The following PRRC2B variants were observed in gnomAD, a reference collection of about 807,000 sequenced individuals.
The protein encoded by PRRC2B is protein PRRC2B.
Under a neutral mutation model 242.3 loss-of-function variants are expected in PRRC2B, and 68 were observed. That is an observed-to-expected ratio of 0.28 (90% CI 0.23 to 0.34). The LOEUF (loss-of-function observed/expected upper bound fraction) is 0.34. PRRC2B is among the 10% of genes least tolerant of loss of function. The probability of loss-of-function intolerance (pLI) is 1.00; values close to 1 mark genes in which losing one functional copy is unlikely to be tolerated. For missense variants in PRRC2B, 2,835 were observed against 2,954.8 expected (o/e 0.96, Z 0.94); for synonymous variants, 1,228 against 1,173.6 (o/e 1.05, Z -0.95).
At chr9:131,403,095 G>A (rs894560549) in intron 1 of PRRC2B, among the ~76,000 whole-genome samples, 2 of 152,146 alleles carry the variant, frequency 1.3e-5, no homozygotes, top group African/African-American at 4.8e-5. Context: ...GGCAGGTGTT[G>A]TTTACATATG....
In PRRC2B at chr9:131,482,810, G is replaced by T; in HGVS notation, c.5276G>T (p.Arg1759Leu). Residue 1759 changes from arginine to leucine, a missense_variant, in exon 22 of 32, where the codon CGG (arginine) becomes CTG (leucine). By Grantham distance (102) the Arg-to-Leu change is moderately radical (BLOSUM62 -2). This residue lies in a region of PRRC2B where 574 missense variants were observed against 626.0 expected (regional missense o/e 0.92). Coordinates refer to ENST00000683519, the MANE Select transcript of PRRC2B (RefSeq NM_013318.4). This position sits in a 1 kb window ranked among gnomAD's most constrained non-coding sequence, Gnocchi z 5.2. Reference sequence around the variant, plus strand: ...AGAAAGGGCTCGGAGGGGGCCGAGCGGCTGCAAGGGGCTGTCGTCCCGCCT... The same window carrying T: ...AGAAAGGGCTCGGAGGGGGCCGAGCTGCTGCAAGGGGCTGTCGTCCCGCCT... The part of the protein sequence containing the change: ...KNRKGSEGAE[R>L]LQGAVVPPVN... 1 of 1,609,112 alleles carries T rather than the reference G, an allele frequency of 6.2e-7. No individual in the cohort carries two copies. The highest frequency in any genetic ancestry group is 8.5e-7 in the Non-Finnish European group (1 of 1,177,744).
At position 131,404,911 on chromosome 9, in the gene PRRC2B, T is replaced by C. The variant is rs141922357; in HGVS notation, c.-52+10648T>C. Reference sequence around the variant, plus strand: ...AAAACATACAATTTGTATGTAAGCATGTAAGTGTGAGAATGTGGTTCTGCA... The same window carrying C: ...AAAACATACAATTTGTATGTAAGCACGTAAGTGTGAGAATGTGGTTCTGCA... On this transcript the variant is annotated intron_variant, in intron 1 of 31. Coordinates refer to ENST00000683519, the MANE Select transcript of PRRC2B (RefSeq NM_013318.4). 5.9e-5 allele frequency among the ~76,000 whole-genome samples: 9 copies of C among 152,326 alleles called. No homozygotes were observed. The East Asian group carries it at 1.5e-3, about 26-fold the overall frequency.
rs1588273885 is a variant in PRRC2B at position 131,475,395 on chromosome 9, G to C, written c.3266G>C (p.Cys1089Ser). 6.3e-7 allele frequency: 1 copy of C among 1,584,284 alleles called. No individual in the cohort carries two copies. The change falls in exon 16 of 32, where the codon TGT becomes TCT. Residue 1089 changes from cysteine to serine, a missense_variant. Around this residue, in one of 7 missense-constraint regions of PRRC2B, gnomAD observed 1,536 missense variants for 1,483.1 expected, o/e 1.04. Transcript: ENST00000683519. Reference sequence around the variant, plus strand: ...GCTGGCGGAAATGGGAGCGGCCTCTGTGGTGGGGGGGTCCTGGGGGCCCGC... The same window carrying C: ...GCTGGCGGAAATGGGAGCGGCCTCTCTGGTGGGGGGGTCCTGGGGGCCCGC... ...RPAGGNGSGL[C>S]GGGVLGARSI...
intron 3 of PRRC2B, among the ~76,000 whole-genome samples, chr9:131,433,054 G>A (rs2994050): frequency 0.95 from 144,274 of 152,178 alleles, 68,649 homozygotes; most frequent in East Asian, 1. Flanking sequence ...CTTGTCCCCA[G>A]TGACCACTTT....
chr9:131,395,840 C>T (rs538708791), intron 1 of PRRC2B, among the ~76,000 whole-genome samples: 1 of 152,134 alleles, frequency 6.6e-6, no homozygotes, highest in African/African-American at 2.4e-5. Flanking sequence ...TTAGTAGACC[C>T]GGAGTGTGTG....
At chr9:131,429,682 G>A (rs1484738571) in intron 1 of PRRC2B, among the ~76,000 whole-genome samples, 1 of 152,142 alleles carries the variant, frequency 6.6e-6, no homozygotes, top group Non-Finnish European at 1.5e-5. Flanking sequence ...TATTCTGCTA[G>A]CCTTATTTTC....
rs769354350 is a variant in PRRC2B, at chr9:131,430,257, C to T, written c.113C>T (p.Ser38Leu). 6.4e-7 allele frequency: 1 copy of T among 1,570,590 alleles called. No individual in the cohort carries two copies. The highest frequency in any genetic ancestry group is 8.7e-7 in the Non-Finnish European group (1 of 1,151,108). The change falls in exon 2 of 32, where the codon TCA becomes TTA. Residue 38 changes from serine (S) to leucine (L), a missense_variant and splice_region_variant. Around this residue, in one of 7 missense-constraint regions of PRRC2B, gnomAD observed 626 missense variants for 685.5 expected, o/e 0.91. Transcript: ENST00000683519. Reference sequence around the variant, plus strand: ...AAATCAGTAGACGCGATTAGATCCTCAGGTAAGGCCCAGGGTTGAAGGCCA... The same window carrying T: ...AAATCAGTAGACGCGATTAGATCCTTAGGTAAGGCCCAGGGTTGAAGGCCA... ...KGKSVDAIRS[S>L]VIPRHGLQSL...
At chr9:131,460,943 G>A (rs370762048) in intron 11 of PRRC2B, among the ~76,000 whole-genome samples, 28 of 152,194 alleles carry the variant, frequency 1.8e-4, no homozygotes, top group African/African-American at 6.5e-4. Context: ...GGACAGTTGC[G>A]GGGAATGTAT....
At position 131,482,700 on chromosome 9, in the gene PRRC2B, T is replaced by G. The variant is rs781234098; in HGVS notation, c.5176-10T>G. Reference sequence around the variant, plus strand: ...TCTGTGTGTCTCCACCTCTCTGCTTTTTTATCAAGGATTCAGAACAAGGCT... The same window carrying G: ...TCTGTGTGTCTCCACCTCTCTGCTTGTTTATCAAGGATTCAGAACAAGGCT... On this transcript the variant is annotated splice_polypyrimidine_tract_variant and intron_variant, in intron 21 of 31. Coordinates refer to ENST00000683519, the MANE Select transcript of PRRC2B (RefSeq NM_013318.4). The surrounding 1 kb of genome is among the most constrained non-coding windows in gnomAD (Gnocchi z 5.2). 6 of 1,556,356 alleles carry G rather than the reference T, an allele frequency of 3.9e-6. No individual in the cohort carries two copies. In the Admixed American group the frequency reaches 1.2e-4, roughly 31 times the overall value.
In PRRC2B at chr9:131,494,471, A is replaced by C. The variant is rs374130439; in HGVS notation, c.6540A>C (p.Gly2180=). Reference sequence around the variant, plus strand: ...CAGTTAACATGGGCTCTGTGCAGGGACACTACGTGCAACAGGTAGAAGATG... The same window carrying C: ...CAGTTAACATGGGCTCTGTGCAGGGCCACTACGTGCAACAGGTAGAAGATG... ...GSAVNMGSVQ[G]HYVQQAKQRV... Residue 2180 remains glycine (G), a synonymous_variant, in exon 31 of 32, where the codon GGA becomes GGC. Transcript: ENST00000683519. This position sits in a 1 kb window ranked among gnomAD's most constrained non-coding sequence, Gnocchi z 4.3. 1.0e-4 allele frequency: 166 copies of C among 1,595,184 alleles called. No homozygotes were observed. The highest frequency in any genetic ancestry group is 1.2e-4 in the Non-Finnish European group (142 of 1,165,986).
chr9:131,374,294 A>C (rs1004271793), intron 1 of PRRC2B, among the ~76,000 whole-genome samples: 1 of 152,078 alleles, frequency 6.6e-6, no homozygotes, highest in Middle Eastern at 3.2e-3. Context: ...GGTGGCGCCC[A>C]GCGGAGACTC....
intron 1 of PRRC2B, among the ~76,000 whole-genome samples, chr9:131,408,782 T>G (rs970102144): frequency 6.6e-6 from 1 of 151,516 alleles, no homozygotes; most frequent in Non-Finnish European, 1.5e-5. Context: ...GCAAATGATA[T>G]GATCTCGGCT....
At chr9:131,409,252 C>A (rs969126096) in intron 1 of PRRC2B, among the ~76,000 whole-genome samples, 6 of 152,226 alleles carry the variant, frequency 3.9e-5, no homozygotes, top group African/African-American at 1.4e-4. Flanking sequence ...GAACTCCCGA[C>A]CTCAGGTGAT....
Position 131,487,305 on chromosome 9 carries a change from G to A in PRRC2B, c.5984+11G>A, listed in dbSNP as rs780671435. ...CTTGCAGCCCTTCAGGTGAGCTCATGTACCAGCTTGCGGAGCTGGCAGCTC... is the reference window on the plus strand; with the variant it reads ...CTTGCAGCCCTTCAGGTGAGCTCATATACCAGCTTGCGGAGCTGGCAGCTC... On this transcript the variant is annotated intron_variant, in intron 27 of 31. Coordinates refer to ENST00000683519, the MANE Select transcript of PRRC2B (RefSeq NM_013318.4). This position sits in a 1 kb window ranked among gnomAD's most constrained non-coding sequence, Gnocchi z 5.3. The A allele has an allele frequency of 6.3e-7, 1 of 1,589,288 alleles. No homozygotes were observed. The highest frequency in any genetic ancestry group is 8.6e-7 in the Non-Finnish European group (1 of 1,164,784).
intron 1 of PRRC2B, among the ~76,000 whole-genome samples, chr9:131,396,352 G>A (rs1837058414): frequency 8.6e-6 from 1 of 115,784 alleles, no homozygotes. Flanking sequence ...TTTTGAGACA[G>A]TCTCACTCTG....
intron 11 of PRRC2B, among the ~76,000 whole-genome samples, chr9:131,463,425 A>G (rs1943298875): frequency 6.6e-6 from 1 of 152,072 alleles, no homozygotes; most frequent in Non-Finnish European, 1.5e-5. Context: ...CAAAATAGGA[A>G]GTTCTGTCTT....
chr9:131,449,903 G>A (rs1040463806), intron 9 of PRRC2B, among the ~76,000 whole-genome samples: 1 of 152,088 alleles, frequency 6.6e-6, no homozygotes, highest in African/African-American at 2.4e-5. Context: ...TTTGTATATG[G>A]CATAAGATAG....
intron 1 of PRRC2B, among the ~76,000 whole-genome samples, chr9:131,423,943 T>TTC (rs1387289374): frequency 6.7e-6 from 1 of 149,644 alleles, no homozygotes; most frequent in East Asian, 1.9e-4. Context: ...TCTGCTACGT[T>TTC]TTTTTTTTTT....
rs1490724268 is a variant in PRRC2B, at chr9:131,474,814, G to A, written c.2685G>A (p.Thr895=). The change falls in exon 16 of 32, where the codon ACG becomes ACA. Residue 895 remains threonine (T), a synonymous_variant. Transcript: ENST00000683519. ...GVERETPREG[T]AFNISSWDKN... is the part of the protein sequence containing the mutation. The stretch of plus-strand genomic sequence containing the variant: ...AGCGGGAGACACCCCGGGAGGGGAC[G>A]GCCTTTAACATCTCCTCCTGGGACA... 3 of 1,612,240 alleles carry A rather than the reference G, an allele frequency of 1.9e-6. No individual in the cohort carries two copies. The highest frequency in any genetic ancestry group is 1.1e-5 in the South Asian group (1 of 90,870).
Sources: gnomAD v4.1 joint callset for allele counts (sites outside exome capture counted in the v4.1 genomes callset) on GRCh38, gnomAD v4.1.1 for gene constraint, gnomAD v4.1.1 regional missense constraint, Gnocchi (gnomAD v3.1) non-coding constraint, MANE v1.5 for transcripts, NCBI Gene and HGNC (gene_info 2026-07-23, HGNC 2026-07-21) for gene names.